The following PTPRD variants were observed in gnomAD, a reference collection of about 807,000 sequenced individuals.
PTPRD encodes protein tyrosine phosphatase receptor type D.
In PTPRD, 34 loss-of-function variants were observed where a neutral mutation model predicts 214.5. The observed-to-expected ratio is 0.16, with a 90% CI of 0.12 to 0.21. PTPRD has a LOEUF of 0.21. Ranked by LOEUF, PTPRD falls within the 10% of genes least tolerant of loss-of-function variation. The pLI, the probability that PTPRD is intolerant of heterozygous loss-of-function variation, is 1.00. For missense variants in PTPRD, 2,545 were observed against 2,398.7 expected, an observed-to-expected ratio of 1.06 and a Z score of -1.27; for synonymous variants, 1,128 against 845.7, an observed-to-expected ratio of 1.33 and a Z score of -5.79.
intron 39 of PTPRD, among the ~76,000 whole-genome samples, chr9:8,348,901 C>G (rs2074618421): frequency 6.6e-6 from 1 of 152,122 alleles, no homozygotes; most frequent in Non-Finnish European, 1.5e-5. Flanking sequence ...CAGCAACTGC[C>G]TTACTTTAGT....
intron 2 of PTPRD, among the ~76,000 whole-genome samples, chr9:10,421,452 T>G (rs1189072207): frequency 6.6e-6 from 1 of 151,916 alleles, no homozygotes; most frequent in Non-Finnish European, 1.5e-5. Context: ...CTTGGTAAAT[T>G]ATTTGGCCAT....
intron 5 of PTPRD, among the ~76,000 whole-genome samples, chr9:9,899,132 T>A (rs1443519599): frequency 1.3e-5 from 2 of 152,046 alleles, no homozygotes; most frequent in African/African-American, 4.8e-5. Context: ...AATAAATAAC[T>A]TTTACTATAG....
At chr9:9,852,824 C>G (rs2060799682) in intron 5 of PTPRD, among the ~76,000 whole-genome samples, 2 of 152,032 alleles carry the variant, frequency 1.3e-5, no homozygotes, top group African/African-American at 4.8e-5. Flanking sequence ...TTACAAAACT[C>G]CAGGGAAGTT....
intron 11 of PTPRD, among the ~76,000 whole-genome samples, chr9:9,008,381 C>T (rs1204848742): frequency 2.6e-5 from 4 of 151,894 alleles, no homozygotes; most frequent in African/African-American, 9.7e-5. Flanking sequence ...GCTCCCGCCA[C>T]CACACCCGGC....
At chr9:9,284,417 C>T (rs1003308077) in intron 9 of PTPRD, among the ~76,000 whole-genome samples, 3 of 151,612 alleles carry the variant, frequency 2.0e-5, no homozygotes, top group African/African-American at 7.3e-5. Flanking sequence ...TCCCTGAATG[C>T]CTTGGTTGTT....
chr9:10,603,991 T>C (rs944306610), intron 2 of PTPRD, among the ~76,000 whole-genome samples: 1 of 151,864 alleles, frequency 6.6e-6, no homozygotes, highest in Non-Finnish European at 1.5e-5. Context: ...ATAATGTTAA[T>C]AACACACCCT....
chr9:9,015,994 C>G (rs1346494078), intron 11 of PTPRD, among the ~76,000 whole-genome samples: 1 of 152,026 alleles, frequency 6.6e-6, no homozygotes, highest in Non-Finnish European at 1.5e-5. Context: ...AAGAATTGGG[C>G]CTTAAAGCAC....
chr9:10,421,176 A>G (rs1587836206), intron 2 of PTPRD, among the ~76,000 whole-genome samples: 1 of 148,928 alleles, frequency 6.7e-6, no homozygotes, highest in South Asian at 2.1e-4. Context: ...GACAAGCTTG[A>G]TCTACAAAAA....
intron 3 of PTPRD, among the ~76,000 whole-genome samples, chr9:10,140,714 T>C (rs200517547): frequency 1.9e-4 from 28 of 149,972 alleles, no homozygotes; most frequent in African/African-American, 6.4e-4. Context: ...TTCCAATCAA[T>C]AGAAAAAAAA....
chr9:10,218,931 A>G (rs1391133686), intron 3 of PTPRD, among the ~76,000 whole-genome samples: 1 of 151,866 alleles, frequency 6.6e-6, no homozygotes, highest in African/African-American at 2.4e-5. Context: ...CATATGACAT[A>G]TTTAACTATA....
chr9:8,328,426 A>C (rs1836244376), intron 44 of PTPRD, among the ~76,000 whole-genome samples: 1 of 152,096 alleles, frequency 6.6e-6, no homozygotes, highest in Non-Finnish European at 1.5e-5. Context: ...GCACGCCGAC[A>C]TTTGTCTCTG....
At chr9:8,335,005 T>C (rs1845184827) in intron 43 of PTPRD, among the ~76,000 whole-genome samples, 1 of 151,826 alleles carries the variant, frequency 6.6e-6, no homozygotes, top group African/African-American at 2.4e-5. Context: ...GTTCTGAAAT[T>C]GAGGCAGTAA....
chr9:9,578,846 C>G (rs372231353), intron 7 of PTPRD, among the ~76,000 whole-genome samples: 1 of 152,010 alleles, frequency 6.6e-6, no homozygotes, highest in Non-Finnish European at 1.5e-5. Flanking sequence ...AATTCAGAAT[C>G]CCAGTTAAGT....
chr9:9,538,669 A>C (rs890856771), intron 8 of PTPRD, among the ~76,000 whole-genome samples: 13 of 151,960 alleles, frequency 8.6e-5, no homozygotes, highest in African/African-American at 3.1e-4. Context: ...GCAGGCAGAC[A>C]GGAATAAAAA....
At chr9:8,539,261 A>G (rs1171316133) in intron 14 of PTPRD, among the ~76,000 whole-genome samples, 1 of 152,010 alleles carries the variant, frequency 6.6e-6, no homozygotes, top group East Asian at 1.9e-4. Context: ...TTAAATATAA[A>G]GAAAGCAGTC....
chr9:9,307,225 A>C (rs1329351609), intron 9 of PTPRD, among the ~76,000 whole-genome samples: 2 of 152,182 alleles, frequency 1.3e-5, no homozygotes, highest in African/African-American at 4.8e-5. Flanking sequence ...AAACGGCTTC[A>C]TTTATCACTT....
intron 3 of PTPRD, among the ~76,000 whole-genome samples, chr9:10,160,883 G>A (rs557767276): frequency 8.2e-4 from 124 of 151,958 alleles, no homozygotes; most frequent in African/African-American, 2.5e-3. Context: ...GGAAGATACG[G>A]AATCAACATC....
chr9:10,179,924 A>T (rs572002757), intron 3 of PTPRD, among the ~76,000 whole-genome samples: 2 of 152,222 alleles, frequency 1.3e-5, no homozygotes, highest in East Asian at 3.9e-4. Context: ...TTGATAATCT[A>T]GAATATTTCA....
intron 35 of PTPRD, among the ~76,000 whole-genome samples, chr9:8,413,388 A>T (rs1395851028): frequency 6.6e-6 from 1 of 152,184 alleles, no homozygotes; most frequent in Non-Finnish European, 1.5e-5. Flanking sequence ...AAGAGATAAA[A>T]ATTCTACATC....
Sources: allele counts gnomAD v4.1 joint callset (sites outside exome capture counted in the v4.1 genomes callset), GRCh38; gene constraint gnomAD v4.1.1; transcripts MANE v1.5; gene names NCBI Gene and HGNC (gene_info 2026-07-23, HGNC 2026-07-21).